The following CORIN variants were observed in gnomAD, a reference collection of about 807,000 sequenced individuals.
The protein encoded by CORIN is corin, serine peptidase.
CORIN carries 117 observed loss-of-function variants against 125.3 expected under a neutral mutation model. The observed-to-expected ratio is 0.93, with a 90% CI of 0.80 to 1.09. The LOEUF is 1.09. Among genes scored for constraint, CORIN ranks in the 50% least tolerant of loss-of-function variants. The pLI, the probability that CORIN is intolerant of heterozygous loss-of-function variation, is 0.00. For missense variants in CORIN, 1,253 were observed against 1,306.7 expected (o/e 0.96, Z 0.63); for synonymous variants, 450 against 466.4 (o/e 0.96, Z 0.45).
intron 6 of CORIN, among the ~76,000 whole-genome samples, chr4:47,684,801 C>A (rs1413521026): frequency 6.6e-6 from 1 of 151,790 alleles, no homozygotes; most frequent in Admixed American, 6.6e-5. Flanking sequence ...AAAAAGAATT[C>A]AATTATAAAT....
At chr4:47,763,639 T>C (rs1234646539) in intron 3 of CORIN, 53 bp from the exon 4 acceptor site, 1 of 1,454,778 alleles carries the variant, frequency 6.9e-7, no homozygotes, top group South Asian at 1.2e-5. Flanking sequence ...AAGTATATGT[T>C]TGCAAACTCA....
In CORIN at chr4:47,758,899, C is replaced by T. The variant is rs1386937695; in HGVS notation, c.617+4480G>A. Among the ~76,000 whole-genome samples, 3 of 152,226 alleles carry T rather than the reference C, an allele frequency of 2.0e-5. No individual in the cohort carries two copies. In the East Asian group the frequency reaches 5.8e-4, roughly 29 times the overall value. ...GCAGAACTGTGAGTCAATTAAATCT[C>T]CTTCGTTTGTAAATTACCCAGTCTC... On this transcript the variant is annotated intron_variant, in intron 4 of 21. Transcript: ENST00000273857.
At chr4:47,654,283 G>A (rs1476656052) in intron 12 of CORIN, among the ~76,000 whole-genome samples, 1 of 152,094 alleles carries the variant, frequency 6.6e-6, no homozygotes, top group Non-Finnish European at 1.5e-5. Flanking sequence ...TGGCCAAATA[G>A]AAGCCTCCAC....
chr4:47,684,171 T>C (rs962913912), intron 6 of CORIN, among the ~76,000 whole-genome samples: 3 of 152,246 alleles, frequency 2.0e-5, no homozygotes, highest in South Asian at 2.1e-4. Context: ...TCATGCAGAA[T>C]AGACTTTAGT....
rs75491381 is a variant in CORIN at position 47,828,558 on chromosome 4, G to A, written c.63+9329C>T. On this transcript the variant is annotated intron_variant, in intron 1 of 21. Coordinates refer to ENST00000273857, the MANE Select transcript of CORIN (RefSeq NM_006587.4). ...GACAGAAGCTCCTGCACTTTCTAAG[G>A]GCATTGTGATCACATCAGGACCTCC... Among the ~76,000 whole-genome samples, 476 of 152,158 alleles carry A rather than the reference G, an allele frequency of 3.1e-3. 2 individuals carry two copies. The highest frequency in any genetic ancestry group is 0.01 in the African/African-American group (416 of 41,500).
At chr4:47,767,485 G>GA (rs1729812584) in intron 3 of CORIN, among the ~76,000 whole-genome samples, 1 of 152,000 alleles carries the variant, frequency 6.6e-6, no homozygotes, top group Non-Finnish European at 1.5e-5. Context: ...ATGTCGCTCT[G>GA]AAAAAATAGA....
chr4:47,744,507 A>G lies in CORIN; in HGVS notation c.694T>C (p.Tyr232His). 1.9e-6 allele frequency: 3 copies of G among 1,614,058 alleles called. No individual in the cohort carries two copies. The highest frequency in any genetic ancestry group is 2.5e-6 in the Non-Finnish European group (3 of 1,179,978). Residue 232 changes from tyrosine (Y) to histidine (H), a missense_variant, in exon 5 of 22, where the codon TAC becomes CAC. By Grantham distance (83) the Tyr-to-His change is moderately conservative (BLOSUM62 2). Transcript: ENST00000273857. ...CATCTGAGGAAATCCGGCCAGGAGTAATTCACCATCCCCAGGACTGATTCA... is the reference window on the plus strand; with the variant it reads ...CATCTGAGGAAATCCGGCCAGGAGTGATTCACCATCCCCAGGACTGATTCA... ...GCESVLGMVN[Y>H]SWPDFLRCSQ...
At position 47,680,214 on chromosome 4, in the gene CORIN, C is replaced by T. The variant is rs1283207266; in HGVS notation, c.1059G>A (p.Gly353=). The T allele has an allele frequency of 1.2e-6, 2 of 1,613,932 alleles. No individual in the cohort carries two copies. Among genetic ancestry groups the T allele is most frequent in the Admixed American group, 1.7e-5 (1 of 60,002 alleles). Reference sequence around the variant, plus strand: ...ACACCCACTCCATGGCGATGCAGCGCCCGTCCCCGCAGCGATGCTCTGTTG... The same window carrying T: ...ACACCCACTCCATGGCGATGCAGCGTCCGTCCCCGCAGCGATGCTCTGTTG... The part of the protein sequence containing the change: ...NPTTEHRCGD[G]RCIAMEWVCD... Residue 353 remains glycine (G), a synonymous_variant, in exon 8 of 22, where the codon GGG becomes GGA. Transcript: ENST00000273857.
Position 47,597,934 on chromosome 4 carries a change from G to T in CORIN, c.2947-2031C>A, listed in dbSNP as rs189659227. ...AAAATCTAATGGCTAGAAAGAGGAG[G>T]TCAAAGGAATGAGTGATGACTTCCA... On this transcript the variant is annotated intron_variant, in intron 21 of 21. Coordinates refer to ENST00000273857, the MANE Select transcript of CORIN (RefSeq NM_006587.4). 2.4e-3 allele frequency among the ~76,000 whole-genome samples: 373 copies of T among 152,250 alleles called. 2 individuals are homozygous for T. Among genetic ancestry groups the T allele is most frequent in the South Asian group, 9.5e-3 (46 of 4,824 alleles).
chr4:47,713,022 T>A (rs35240503), intron 5 of CORIN, among the ~76,000 whole-genome samples: 14,956 of 152,108 alleles, frequency 0.098, 866 homozygotes, highest in East Asian at 0.27. Flanking sequence ...TACGCATAGA[T>A]CAGGGTAAGG....
At chr4:47,752,713 T>C (rs1201078657) in intron 4 of CORIN, among the ~76,000 whole-genome samples, 1 of 152,130 alleles carries the variant, frequency 6.6e-6, no homozygotes, top group Non-Finnish European at 1.5e-5. Flanking sequence ...TAAACACAGT[T>C]TGAATTAAGA....
chr4:47,601,273 G>T (rs1332755868), intron 20 of CORIN, among the ~76,000 whole-genome samples: 1 of 151,124 alleles, frequency 6.6e-6, no homozygotes, highest in Non-Finnish European at 1.5e-5. Flanking sequence ...AAGCTTGAAA[G>T]TTATACAGTC....
At chr4:47,689,772 G>A (rs1479772950) in intron 6 of CORIN, among the ~76,000 whole-genome samples, 1 of 152,142 alleles carries the variant, frequency 6.6e-6, no homozygotes, top group Non-Finnish European at 1.5e-5. Flanking sequence ...TTCCAAGTCT[G>A]GCCGTCCATT....
chr4:47,687,384 G>T (rs1725566527), intron 6 of CORIN, among the ~76,000 whole-genome samples: 1 of 152,262 alleles, frequency 6.6e-6, no homozygotes, highest in African/African-American at 2.4e-5. Flanking sequence ...ATTTGAAAAA[G>T]CTGCTTGCTG....
chr4:47,603,771 T>G, intron 19 of CORIN, 103 bp from the exon 20 acceptor site: 5 of 1,243,296 alleles, frequency 4.0e-6, no homozygotes, highest in Non-Finnish European at 5.6e-6. Context: ...TAATGGCCAT[T>G]TTCATGCCCA....
chr4:47,652,449 T>G (rs1410022089), intron 13 of CORIN, among the ~76,000 whole-genome samples: 4 of 152,210 alleles, frequency 2.6e-5, no homozygotes, highest in Non-Finnish European at 1.5e-5. Flanking sequence ...TACGTGCTTG[T>G]CATGAAAGTG....
intron 19 of CORIN, among the ~76,000 whole-genome samples, chr4:47,606,356 G>A (rs959788954): frequency 7.2e-5 from 11 of 152,158 alleles, no homozygotes; most frequent in African/African-American, 2.4e-4. Context: ...AGGCTCAAGC[G>A]ATCCACTGGC....
chr4:47,800,238 T>A (rs1731481777), intron 2 of CORIN, among the ~76,000 whole-genome samples: 1 of 151,976 alleles, frequency 6.6e-6, no homozygotes. Flanking sequence ...TTGGATTGAA[T>A]GGTATATTAT....
At chr4:47,604,815 AT>A (rs1259931309) in intron 19 of CORIN, among the ~76,000 whole-genome samples, 1 of 152,154 alleles carries the variant, frequency 6.6e-6, no homozygotes, top group Non-Finnish European at 1.5e-5. Flanking sequence ...TACTATCAGG[AT>A]ATATATTGAC....
Sources: gnomAD v4.1 joint callset for allele counts (sites outside exome capture counted in the v4.1 genomes callset) on GRCh38, gnomAD v4.1.1 for gene constraint, MANE v1.5 for transcripts, NCBI Gene and HGNC (gene_info 2026-07-23, HGNC 2026-07-21) for gene names.